The following NLGN1 variants were observed in gnomAD, a reference collection of about 807,000 sequenced individuals.
The protein encoded by NLGN1 is neuroligin-1.
In NLGN1, 12 loss-of-function variants were observed where a neutral mutation model predicts 65.5. The observed-to-expected ratio is 0.18, with a 90% CI of 0.12 to 0.30. The LOEUF is 0.30. Among genes scored for constraint, NLGN1 ranks in the 10% least tolerant of loss-of-function variants. NLGN1 has a pLI of 1.00. For synonymous variants in NLGN1, 350 were observed against 359.5 expected, an observed-to-expected ratio of 0.97 and a Z score of 0.30; for missense variants, 750 against 1,007.1, an observed-to-expected ratio of 0.74 and a Z score of 3.46.
intron 2 of NLGN1, among the ~76,000 whole-genome samples, chr3:173,489,227 C>T (rs1430498941): frequency 6.6e-6 from 1 of 151,956 alleles, no homozygotes; most frequent in Non-Finnish European, 1.5e-5. Context: ...AATGCTATCC[C>T]TCCCCCTTAC....
chr3:174,109,913 A>G (rs747074109), intron 4 of NLGN1, among the ~76,000 whole-genome samples: 12 of 152,080 alleles, frequency 7.9e-5, no homozygotes, highest in Admixed American at 1.3e-4. Flanking sequence ...TATGTCTGGT[A>G]TGGTCAATTG....
intron 4 of NLGN1, among the ~76,000 whole-genome samples, chr3:173,813,197 T>G (rs2150485916): frequency 6.6e-6 from 1 of 152,296 alleles, no homozygotes; most frequent in African/African-American, 2.4e-5. Flanking sequence ...CAAAGCATAT[T>G]AATTCCTCAA....
chr3:173,840,476 A>C (rs1724573586), intron 4 of NLGN1, among the ~76,000 whole-genome samples: 1 of 152,202 alleles, frequency 6.6e-6, no homozygotes, highest in Non-Finnish European at 1.5e-5. Flanking sequence ...CTATGCTCAC[A>C]GTGTGAATTT....
At chr3:173,597,902 T>G (rs1749763711) in intron 2 of NLGN1, among the ~76,000 whole-genome samples, 1 of 152,098 alleles carries the variant, frequency 6.6e-6, no homozygotes, top group Non-Finnish European at 1.5e-5. Flanking sequence ...TAATTCAGAC[T>G]TCAAGTTATC....
At chr3:174,132,491 G>A (rs1040428092) in intron 4 of NLGN1, among the ~76,000 whole-genome samples, 1 of 151,922 alleles carries the variant, frequency 6.6e-6, no homozygotes, top group Admixed American at 6.6e-5. Flanking sequence ...GAATACTCTT[G>A]TAAGTCTGGC....
intron 3 of NLGN1, among the ~76,000 whole-genome samples, chr3:173,719,188 AGTTAGT>A (rs1770387758): frequency 6.6e-6 from 1 of 152,198 alleles, no homozygotes; most frequent in Non-Finnish European, 1.5e-5. Context: ...TGGATCAATC[AGTTAGT>A]GTTAGTAAGA....
At chr3:173,406,193 T>C (rs1718617424) in intron 1 of NLGN1, among the ~76,000 whole-genome samples, 1 of 151,838 alleles carries the variant, frequency 6.6e-6, no homozygotes, top group African/African-American at 2.4e-5. Flanking sequence ...ATATACTGGA[T>C]GAGAAAGATT....
chr3:173,775,504 C>T (rs781748907), intron 3 of NLGN1, among the ~76,000 whole-genome samples: 5 of 151,938 alleles, frequency 3.3e-5, no homozygotes, highest in Non-Finnish European at 7.4e-5. Context: ...TGGGATCATG[C>T]CTCCTGCATG....
chr3:174,247,874 T>C (rs996933676), intron 4 of NLGN1, among the ~76,000 whole-genome samples: 1 of 152,230 alleles, frequency 6.6e-6, no homozygotes, highest in African/African-American at 2.4e-5. Flanking sequence ...AAAGGGTCTG[T>C]AAATCTGCCT....
chr3:174,255,728 G>A (rs34231177), intron 4 of NLGN1, among the ~76,000 whole-genome samples: 33,940 of 150,446 alleles, frequency 0.23, 4,089 homozygotes, highest in East Asian at 0.52. Context: ...GTGTGATCTC[G>A]GCTTAGTGCA....
intron 4 of NLGN1, among the ~76,000 whole-genome samples, chr3:174,022,851 G>T (rs1381502022): frequency 1.3e-5 from 2 of 152,172 alleles, no homozygotes; most frequent in South Asian, 2.1e-4. Flanking sequence ...GACACAAAGG[G>T]GTTTCTGGAG....
chr3:173,482,886 A>G (rs533228141), intron 2 of NLGN1, among the ~76,000 whole-genome samples: 7 of 152,210 alleles, frequency 4.6e-5, no homozygotes, highest in African/African-American at 1.7e-4. Flanking sequence ...TCCCAGAATT[A>G]GAAGGGTAAC....
intron 4 of NLGN1, among the ~76,000 whole-genome samples, chr3:174,137,902 G>A (rs1006915853): frequency 1.3e-5 from 2 of 152,112 alleles, no homozygotes; most frequent in African/African-American, 4.8e-5. Context: ...TGCCTAAACT[G>A]TTCTAGAAAT....
At chr3:173,984,725 A>G (rs902587521) in intron 4 of NLGN1, among the ~76,000 whole-genome samples, 1 of 152,192 alleles carries the variant, frequency 6.6e-6, no homozygotes, top group Non-Finnish European at 1.5e-5. Flanking sequence ...TCTCAATGCT[A>G]TCTTGTGGTT....
At chr3:174,161,756 T>C (rs1726569250) in intron 4 of NLGN1, among the ~76,000 whole-genome samples, 1 of 151,886 alleles carries the variant, frequency 6.6e-6, no homozygotes, top group Admixed American at 6.6e-5. Flanking sequence ...AAGTTTCAGC[T>C]CCTTAATACT....
At chr3:173,795,600 G>T (rs1274237621) in intron 3 of NLGN1, among the ~76,000 whole-genome samples, 2 of 152,034 alleles carry the variant, frequency 1.3e-5, no homozygotes, top group African/African-American at 2.4e-5. Flanking sequence ...AATGACAACT[G>T]TCATAATATC....
At chr3:173,843,271 G>A (rs1212213923) in intron 4 of NLGN1, among the ~76,000 whole-genome samples, 1 of 152,206 alleles carries the variant, frequency 6.6e-6, no homozygotes, top group African/African-American at 2.4e-5. Context: ...CCCTGTGATG[G>A]GAGGGGCTGC....
intron 4 of NLGN1, among the ~76,000 whole-genome samples, chr3:173,997,566 A>T (rs1025366505): frequency 6.6e-6 from 1 of 152,076 alleles, no homozygotes; most frequent in African/African-American, 2.4e-5. Flanking sequence ...AGTCTTGTTG[A>T]TGGTATTTAC....
chr3:174,078,016 G>T (rs557054884), intron 4 of NLGN1, among the ~76,000 whole-genome samples: 7 of 152,082 alleles, frequency 4.6e-5, no homozygotes, highest in African/African-American at 1.4e-4. Flanking sequence ...ACCAAACAGT[G>T]AAATATGTAT....
Sources: gnomAD v4.1 joint callset for allele counts (sites outside exome capture counted in the v4.1 genomes callset) on GRCh38, gnomAD v4.1.1 for gene constraint, MANE v1.5 for transcripts, NCBI Gene and HGNC (gene_info 2026-07-23, HGNC 2026-07-21) for gene names.